GSDMA: variants seen among roughly 807,000 people sequenced by gnomAD.
GSDMA encodes the protein gasdermin-A.
GSDMA carries 55 observed loss-of-function variants against 54.3 expected under a neutral mutation model. The observed-to-expected ratio is 1.01, with a 90% confidence interval of 0.82 to 1.27. GSDMA has a LOEUF of 1.27. GSDMA is among the 50% of genes most tolerant of loss of function. The pLI is 0.00. For synonymous variants in GSDMA, 211 were observed against 224.7 expected (o/e 0.94, Z 0.54); for missense variants, 542 against 542.6 (o/e 1.00, Z 0.01).
At position 39,966,436 on chromosome 17, in the gene GSDMA, A is replaced by T. The variant is rs1223208255; in HGVS notation, c.391A>T (p.Arg131Trp). The part of the protein sequence containing the change: ...APKALETVQE[R>W]KLAADHPFLK... Reference sequence around the variant, plus strand: ...CAAGGCCCTGGAGACCGTGCAGGAGAGGTGAGAGTGGGCGGGACTGAGGGT... The same window carrying T: ...CAAGGCCCTGGAGACCGTGCAGGAGTGGTGAGAGTGGGCGGGACTGAGGGT... Residue 131 changes from arginine (R) to tryptophan (W), a missense_variant and splice_region_variant, in exon 3 of 12, where the codon AGG becomes TGG. By Grantham distance (101) the Arg-to-Trp change is moderately radical. Coordinates refer to ENST00000301659, the MANE Select transcript of GSDMA (RefSeq NM_178171.5). 1 of 1,596,866 alleles carries T rather than the reference A, an allele frequency of 6.3e-7. No homozygotes were observed. The highest frequency in any genetic ancestry group is 1.4e-5 in the African/African-American group (1 of 73,860).
In GSDMA at chr17:39,976,273, CA is replaced by C. The variant is rs1473683920; in HGVS notation, c.1095+279del. On this transcript the variant is annotated intron_variant, in intron 11 of 11. Transcript: ENST00000301659. ...CTTATTCCTAGCCAAATATTGTAAG[CA>C]AATTTTTTTTTTTTTTTTTTTGAGA... Among the ~76,000 whole-genome samples, 17 of 102,682 alleles carry C rather than the reference CA, an allele frequency of 1.7e-4. No homozygotes were observed. In the East Asian group the frequency reaches 3.0e-3, roughly 18 times the overall value. The allele number at this position is 102,682 out of a possible 152,430, so 67.4% of individuals were successfully genotyped here.
At chr17:39,972,800 C>CAAGATGT (rs1568131150) in intron 7 of GSDMA, among the ~76,000 whole-genome samples, 187 bp downstream of exon 7, 37 of 48,452 alleles carry the variant, frequency 7.6e-4, no homozygotes, top group African/African-American at 2.8e-3. Flanking sequence ...GGAGTCTTTG[C>CAAGATGT]CCAGGTGGTC....
chr17:39,972,150 A>G lies in GSDMA; in HGVS notation c.677A>G (p.Asp226Gly). The change falls in exon 6 of 12, where the codon GAT (aspartate) becomes GGT (glycine). Residue 226 changes from aspartate to glycine, a missense_variant. Coordinates refer to ENST00000301659, the MANE Select transcript of GSDMA (RefSeq NM_178171.5). ...ACAGATATTCCACATATCTGCAATG[A>G]TAACATGCAAACCTTCCCTCCTGGA... ...DEWDIPHICN[D>G]NMQTFPPGEK... 6.3e-7 allele frequency: 1 copy of G among 1,580,304 alleles called. No homozygotes were observed. The highest frequency in any genetic ancestry group is 8.6e-7 in the Non-Finnish European group (1 of 1,157,222).
chr17:39,969,661 C>T (rs1979840636), intron 3 of GSDMA, among the ~76,000 whole-genome samples: 2 of 152,002 alleles, frequency 1.3e-5, no homozygotes, highest in South Asian at 4.1e-4. Context: ...ATTGTAATTT[C>T]AGCTGAGTAG....
rs1043993633 is a variant in GSDMA at position 39,966,379 on chromosome 17, A to G, written c.334A>G (p.Thr112Ala). Residue 112 changes from threonine (T) to alanine (A), a missense_variant, in exon 3 of 12, where the codon ACT becomes GCT. Transcript: ENST00000301659. The part of the protein sequence containing the change: ...KGTAGLSQNS[T>A]LEVQTLSVAP... ...AACGGCAGGGCTCTCGCAGAACAGC[A>G]CTCTGGAGGTCCAGACACTCAGTGT... The G allele has an allele frequency of 1.9e-6, 3 of 1,613,686 alleles. No individual in the cohort carries two copies. Among genetic ancestry groups the G allele is most frequent in the Admixed American group, 1.7e-5 (1 of 59,938 alleles).
intron 1 of GSDMA, among the ~76,000 whole-genome samples, chr17:39,963,737 C>T (rs2144781389): frequency 6.6e-6 from 1 of 152,252 alleles, no homozygotes; most frequent in Non-Finnish European, 1.5e-5. Flanking sequence ...GCCTGTAATC[C>T]CAGCTACCTG....
chr17:39,965,269 AGAAG>A lies in GSDMA; in HGVS notation c.-5-398_-5-395del, dbSNP rs141015487. 9.5e-3 allele frequency among the ~76,000 whole-genome samples: 1,095 copies of A among 115,570 alleles called. 23 individuals are homozygous for A. In the Middle Eastern group the frequency reaches 0.1, roughly 11 times the overall value. 75.8% of individuals were successfully genotyped at this position (115,570 alleles called of 152,430 possible). On this transcript the variant is annotated intron_variant, in intron 1 of 11. Coordinates refer to ENST00000301659, the MANE Select transcript of GSDMA (RefSeq NM_178171.5). ...GAAAGGGAGGGAGGGAGAGAAAGAA[AGAAG>A]GAAGGAAGGAAGGAAAGAAAGAAAG...
chr17:39,969,011 G>A (rs559664736), intron 3 of GSDMA, among the ~76,000 whole-genome samples: 18 of 152,244 alleles, frequency 1.2e-4, no homozygotes, highest in African/African-American at 4.3e-4. Context: ...CTGGAGCTCA[G>A]GAAAGAGGTC....
At chr17:39,966,464 C>T (rs1979674719) in intron 3 of GSDMA, 27 bp downstream of exon 3, 3 of 1,564,096 alleles carry the variant, frequency 1.9e-6, no homozygotes, top group African/African-American at 2.8e-5. Flanking sequence ...CTGAGGGTCT[C>T]CCGGGATGTG....
intron 2 of GSDMA, 60 bp downstream of exon 2, chr17:39,965,961 G>A: frequency 1.4e-6 from 2 of 1,465,478 alleles, no homozygotes; most frequent in South Asian, 2.4e-5. Context: ...TGGGCACCTG[G>A]CCTGCAAGGA....
At chr17:39,976,026 G>A (rs1284256746) in intron 11 of GSDMA, 29 bp downstream of exon 11, 4 of 1,515,326 alleles carry the variant, frequency 2.6e-6, no homozygotes, top group Non-Finnish European at 3.6e-6. Flanking sequence ...ATGCTGGGGA[G>A]AGTCTGGGAG....
intron 5 of GSDMA, 79 bp from the exon 6 acceptor site, chr17:39,972,050 C>T: frequency 1.1e-6 from 1 of 950,630 alleles, no homozygotes; most frequent in Non-Finnish European, 1.7e-6. Flanking sequence ...TTAGCAGAGC[C>T]CTTTGGCTTG....
At chr17:39,974,239 T>C (rs62066853) in intron 8 of GSDMA, 34 bp from the exon 9 acceptor site, 351,483 of 1,575,880 alleles carry the variant, frequency 0.22, 42,208 homozygotes, top group East Asian at 0.42. Context: ...AGGTGCCCGA[T>C]GGAGGGCTGT....
chr17:39,967,666 G>A (rs1206785194), intron 3 of GSDMA, among the ~76,000 whole-genome samples: 2 of 152,128 alleles, frequency 1.3e-5, no homozygotes, highest in Non-Finnish European at 2.9e-5. Context: ...GACAAGGCAA[G>A]ACACTTTTCT....
In GSDMA at chr17:39,973,832, T is replaced by G. The variant is rs759376001; in HGVS notation, c.751+2T>G. The G allele has an allele frequency of 3.3e-5, 54 of 1,612,848 alleles. No individual in the cohort carries two copies. The highest frequency in any genetic ancestry group is 4.5e-5 in the Non-Finnish European group (53 of 1,179,102). On this transcript the variant is annotated splice_donor_variant, in intron 8 of 11. Coordinates refer to ENST00000301659, the MANE Select transcript of GSDMA (RefSeq NM_178171.5). LOFTEE classifies it high-confidence loss of function. ...CAGTTATCCAGGCATCTGATGTTGG[T>G]AAGGAACTTTGTGAGTTTCTCCCAA...
intron 11 of GSDMA, among the ~76,000 whole-genome samples, chr17:39,976,341 C>T (rs1027638923): frequency 6.7e-6 from 1 of 149,318 alleles, no homozygotes; most frequent in Non-Finnish European, 1.5e-5. Flanking sequence ...TGCAATGGTG[C>T]GATCTTGGCT....
chr17:39,977,716 CA>C lies in GSDMA; in HGVS notation c.*664del, dbSNP rs1279267494. 6.6e-6 allele frequency: 1 copy of C among 152,110 alleles called. No homozygotes were observed. Among genetic ancestry groups the C allele is most frequent in the Admixed American group, 6.6e-5 (1 of 15,254 alleles). 9.4% of individuals were successfully genotyped at this position (152,110 alleles called of 1,614,324 possible). A position where few individuals can be genotyped will look rare whatever the true frequency, so the allele number is the denominator to read the frequency against. ...CTAATCCCTCCTACTTATACTTCCC[CA>C]AAAAACAAGCTTTACTGGAATTAAT... On this transcript the variant is annotated 3_prime_UTR_variant, in exon 12 of 12. Transcript: ENST00000301659.
chr17:39,973,945 ACTTT>A (rs1233025669), intron 8 of GSDMA, 115 bp downstream of exon 8: 2 of 1,022,426 alleles, frequency 2.0e-6, no homozygotes, highest in African/African-American at 1.6e-5. Flanking sequence ...GGGAAAACAG[ACTTT>A]CTTTCTCCAC....
At chr17:39,976,430 C>G (rs1980203664) in intron 11 of GSDMA, among the ~76,000 whole-genome samples, 1 of 152,076 alleles carries the variant, frequency 6.6e-6, no homozygotes, top group African/African-American at 2.4e-5. Flanking sequence ...AGGCGCCCAC[C>G]ACCACACCCT....
Sources: gnomAD v4.1 joint callset for allele counts (sites outside exome capture counted in the v4.1 genomes callset) on GRCh38, gnomAD v4.1.1 for gene constraint, MANE v1.5 for transcripts, NCBI Gene and HGNC (gene_info 2026-07-23, HGNC 2026-07-21) for gene names.